Variants in STRN3 observed in about 807,000 individuals in gnomAD.
STRN3 encodes striatin-3.
In STRN3, 29 loss-of-function variants were observed where a neutral mutation model predicts 95.6. That is an observed-to-expected ratio of 0.30 (90% CI 0.23 to 0.41). STRN3 has a LOEUF of 0.41. STRN3 is among the 10% of genes least tolerant of loss of function. The pLI, the probability that STRN3 is intolerant of heterozygous loss-of-function variation, is 1.00. For synonymous variants in STRN3, 331 were observed against 357.6 expected, an observed-to-expected ratio of 0.93 and a Z score of 0.84; for missense variants, 890 against 972.1, an observed-to-expected ratio of 0.92 and a Z score of 1.12.
rs1220465742 is a variant in STRN3, at chr14:30,986,308, T to G, written c.283-30066A>C. 2.0e-5 allele frequency among the ~76,000 whole-genome samples: 3 copies of G among 147,452 alleles called. No individual in the cohort carries two copies. The East Asian group carries it at 6.5e-4, about 32-fold the overall frequency. On this transcript the variant is annotated intron_variant, in intron 1 of 17. Transcript: ENST00000357479. ...AAGATTAAAAGAAAATTAAGAGAAA[T>G]ACGTATTTTTATTTACATTATCTAG...
chr14:30,928,566 A>G (rs1878307884), intron 8 of STRN3, among the ~76,000 whole-genome samples: 1 of 152,222 alleles, frequency 6.6e-6, no homozygotes, highest in African/African-American at 2.4e-5. Context: ...TTACATTTTA[A>G]TAAGTAAATT....
chr14:30,900,577 C>T (rs1258031093), intron 16 of STRN3, among the ~76,000 whole-genome samples: 1 of 151,140 alleles, frequency 6.6e-6, no homozygotes, highest in East Asian at 1.9e-4. Context: ...GGTGAAAATA[C>T]AAAAATTAGC....
intron 1 of STRN3, among the ~76,000 whole-genome samples, chr14:30,966,826 G>A (rs1329156959): frequency 6.6e-6 from 1 of 152,098 alleles, no homozygotes; most frequent in Non-Finnish European, 1.5e-5. Context: ...CCTGCCATGG[G>A]ATTTATACCA....
chr14:31,002,244 C>A (rs1191398706), intron 1 of STRN3, among the ~76,000 whole-genome samples: 1 of 148,250 alleles, frequency 6.7e-6, no homozygotes, highest in Non-Finnish European at 1.5e-5. Context: ...GAGGCTGAGG[C>A]AGGCGGATCA....
intron 13 of STRN3, among the ~76,000 whole-genome samples, chr14:30,909,005 C>G (rs1238345278): frequency 6.6e-6 from 1 of 152,214 alleles, no homozygotes; most frequent in Non-Finnish European, 1.5e-5. Context: ...CACACCTGTT[C>G]TGTCCTCGTT....
intron 1 of STRN3, among the ~76,000 whole-genome samples, chr14:31,021,007 A>G (rs571425400): frequency 1.3e-4 from 20 of 152,314 alleles, no homozygotes; most frequent in Non-Finnish European, 2.4e-4. Context: ...ATCGCACTCA[A>G]ATATCACCAA....
At chr14:30,908,244 T>A (rs1476198317) in intron 13 of STRN3, among the ~76,000 whole-genome samples, 2 of 152,162 alleles carry the variant, frequency 1.3e-5, no homozygotes, top group Non-Finnish European at 2.9e-5. Context: ...AAAATCTTCA[T>A]TAATCCTATC....
At position 31,022,376 on chromosome 14, in the gene STRN3, C is replaced by A. The variant is rs1413068379; in HGVS notation, c.282+3528G>T. 9.2e-5 allele frequency among the ~76,000 whole-genome samples: 8 copies of A among 86,548 alleles called. No individual in the cohort carries two copies. The East Asian group carries it at 2.3e-3, about 25-fold the overall frequency. 56.8% of individuals were successfully genotyped at this position (86,548 alleles called of 152,430 possible). A position where few individuals can be genotyped will look rare whatever the true frequency, so the allele number is the denominator to read the frequency against. On this transcript the variant is annotated intron_variant, in intron 1 of 17. Coordinates refer to ENST00000357479, the MANE Select transcript of STRN3 (RefSeq NM_001083893.2). ...GCCTGGGCGACAGTAGAGCGAGACT[C>A]CATCTCAAAAAAAAAAAAAAAGAAC...
At chr14:31,017,128 T>C (rs1357429142) in intron 1 of STRN3, among the ~76,000 whole-genome samples, 3 of 152,032 alleles carry the variant, frequency 2.0e-5, no homozygotes, top group Non-Finnish European at 4.4e-5. Flanking sequence ...CACTCCAGCC[T>C]GGGTGACAGA....
intron 1 of STRN3, 125 bp downstream of exon 1, chr14:31,025,779 G>A (rs1051738283): frequency 3.7e-6 from 5 of 1,334,464 alleles, no homozygotes; most frequent in Middle Eastern, 2.6e-4. Context: ...CACAACCTGA[G>A]CAGCACAGGT....
intron 9 of STRN3, among the ~76,000 whole-genome samples, chr14:30,918,524 A>G (rs114632048): frequency 0.65 from 97,432 of 150,476 alleles, 32,117 homozygotes; most frequent in Non-Finnish European, 0.71. Context: ...AAAAAAAAGA[A>G]AAAAAAAAAG....
chr14:30,999,447 C>A (rs1411249423), intron 1 of STRN3, among the ~76,000 whole-genome samples: 2 of 152,010 alleles, frequency 1.3e-5, no homozygotes, highest in East Asian at 3.9e-4. Flanking sequence ...TGATATTTTA[C>A]CAAATAAAGA....
intron 1 of STRN3, among the ~76,000 whole-genome samples, chr14:30,961,199 A>C (rs1439038875): frequency 6.6e-6 from 1 of 152,230 alleles, no homozygotes; most frequent in African/African-American, 2.4e-5. Context: ...AGTACCATAA[A>C]ACAAGAAACA....
intron 1 of STRN3, among the ~76,000 whole-genome samples, chr14:31,004,544 C>T (rs1402489573): frequency 1.3e-5 from 2 of 152,086 alleles, no homozygotes; most frequent in African/African-American, 2.4e-5. Flanking sequence ...GAGGCCGAGG[C>T]GGGTGGATCA....
intron 1 of STRN3, among the ~76,000 whole-genome samples, chr14:30,967,006 G>A (rs908613372): frequency 2.6e-5 from 4 of 151,616 alleles, no homozygotes; most frequent in African/African-American, 7.3e-5. Flanking sequence ...TGAGCCTTCC[G>A]GGACAGGCAA....
At chr14:30,941,638 C>T (rs1182073909) in intron 5 of STRN3, among the ~76,000 whole-genome samples, 10 of 129,524 alleles carry the variant, frequency 7.7e-5, no homozygotes, top group Non-Finnish European at 9.5e-5. Context: ...CTTTTTTTTT[C>T]CCCCCAAGAT....
intron 14 of STRN3, among the ~76,000 whole-genome samples, chr14:30,906,098 CTAAAT>C (rs1479574921): frequency 1.3e-5 from 2 of 152,088 alleles, no homozygotes; most frequent in Non-Finnish European, 2.9e-5. Context: ...CTTTAACATA[CTAAAT>C]TAAACTAGCC....
At chr14:30,970,979 C>A (rs530752832) in intron 1 of STRN3, among the ~76,000 whole-genome samples, 1 of 152,228 alleles carries the variant, frequency 6.6e-6, no homozygotes, top group Non-Finnish European at 1.5e-5. Flanking sequence ...GCCAAGCTCT[C>A]TCTCTGCTAT....
chr14:30,950,801 T>G (rs1248962592), intron 4 of STRN3, 62 bp downstream of exon 4: 1 of 1,447,252 alleles, frequency 6.9e-7, no homozygotes, highest in Non-Finnish European at 9.6e-7. Context: ...TGTAAAGTGA[T>G]TCAGTATAAG....
Sources: allele counts gnomAD v4.1 joint callset (sites outside exome capture counted in the v4.1 genomes callset), GRCh38; gene constraint gnomAD v4.1.1; transcripts MANE v1.5; gene names NCBI Gene and HGNC (gene_info 2026-07-23, HGNC 2026-07-21).